Variants in PGF observed in about 807,000 individuals in gnomAD.
PGF encodes placenta growth factor.
Under a neutral mutation model 25.3 loss-of-function variants are expected in PGF, and 11 were observed. The ratio of observed to expected loss-of-function variants is 0.43; its 90% CI spans 0.27 to 0.72. The LOEUF (loss-of-function observed/expected upper bound fraction) is 0.72. Among genes scored for constraint, PGF ranks in the 30% least tolerant of loss-of-function variants. The pLI is 0.18. For synonymous variants in PGF, 105 were observed against 97.9 expected (o/e 1.07, Z -0.43); for missense variants, 230 against 234.9 (o/e 0.98, Z 0.14).
intron 2 of PGF, among the ~76,000 whole-genome samples, chr14:74,949,991 G>A (rs752505295): frequency 2.0e-4 from 30 of 152,042 alleles, no homozygotes; most frequent in South Asian, 4.2e-4. Flanking sequence ...CACCTTCCAC[G>A]GCTCCCTCAT....
chr14:74,955,364 C>T lies in PGF; in HGVS notation c.-122G>A. The T allele has an allele frequency of 4.2e-6, 2 of 471,026 alleles. No individual in the cohort carries two copies. The highest frequency in any genetic ancestry group is 3.6e-6 in the Non-Finnish European group (1 of 275,058). 29.2% of individuals were successfully genotyped at this position (471,026 alleles called of 1,614,324 possible). ...GGCTGGACGCCTCCCTCACTGCTGC[C>T]CCGAGGCCCCGGCCGGTGGTTCGAG... On this transcript the variant is annotated 5_prime_UTR_variant, in exon 1 of 7. Transcript: ENST00000555567. The surrounding 1 kb of genome is among the most constrained non-coding windows in gnomAD (Gnocchi z 4.1).
rs776268610 is a variant in PGF at position 74,942,727 on chromosome 14, G to A, written c.492C>T (p.Gly164=). 26 of 1,610,426 alleles carry A rather than the reference G, an allele frequency of 1.6e-5. No individual in the cohort carries two copies. Among genetic ancestry groups the A allele is most frequent in the Admixed American group, 6.7e-5 (4 of 59,322 alleles). The part of the protein sequence containing the change: ...KQRPTDCHLC[G]DAVPRR The stretch of plus-strand genomic sequence containing the variant: ...TGGGTTACCTCCGGGGAACAGCATC[G>A]CCGCACCTGCCAGAGACCAAGCACA... Residue 164 remains glycine (G), a synonymous_variant, in exon 7 of 7, where the codon GGC becomes GGT. Transcript: ENST00000555567.
chr14:74,951,649 G>A (rs1174343369), intron 2 of PGF, among the ~76,000 whole-genome samples: 3 of 152,340 alleles, frequency 2.0e-5, no homozygotes, highest in Admixed American at 6.5e-5. Context: ...TGGCAGAACT[G>A]GCTGGGCCTC....
chr14:74,948,917 G>A (rs749354107), intron 3 of PGF, among the ~76,000 whole-genome samples: 3 of 152,202 alleles, frequency 2.0e-5, no homozygotes, highest in South Asian at 2.1e-4. Flanking sequence ...TTCCCCATCC[G>A]TGAAATGGGA....
intron 4 of PGF, 47 bp downstream of exon 4, chr14:74,948,460 G>C: frequency 8.3e-7 from 1 of 1,203,542 alleles, no homozygotes; most frequent in East Asian, 2.5e-5. Flanking sequence ...AGGCTGCCAA[G>C]AGGACGGGGG....
At chr14:74,951,188 C>T (rs1299262565) in intron 2 of PGF, among the ~76,000 whole-genome samples, 1 of 152,160 alleles carries the variant, frequency 6.6e-6, no homozygotes, top group Non-Finnish European at 1.5e-5. Context: ...CTCCATTCTG[C>T]CGTGCTCTGC....
intron 6 of PGF, among the ~76,000 whole-genome samples, chr14:74,944,206 C>G (rs1888667908): frequency 6.6e-6 from 1 of 151,170 alleles, no homozygotes; most frequent in African/African-American, 2.4e-5. Context: ...GGGTTCATGC[C>G]ATTCTCCTGC....
intron 1 of PGF, chr14:74,954,361 G>A (rs1440786039): frequency 4.1e-5 from 9 of 218,968 alleles, no homozygotes; most frequent in Admixed American, 2.0e-4. Context: ...AGCGGGTGGC[G>A]CCATGAGCTG....
At chr14:74,951,632 C>T (rs1414163697) in intron 2 of PGF, among the ~76,000 whole-genome samples, 3 of 152,218 alleles carry the variant, frequency 2.0e-5, no homozygotes, top group South Asian at 4.1e-4. Flanking sequence ...GGGGCCATGG[C>T]CACCTTTGGC....
Position 74,955,208 on chromosome 14 carries a change from T to G in PGF, c.35A>C (p.Gln12Pro), listed in dbSNP as rs972646723. 12 of 1,489,762 alleles carry G rather than the reference T, an allele frequency of 8.1e-6. No homozygotes were observed. The Admixed American group carries it at 1.5e-4, about 19-fold the overall frequency. 92.3% of individuals were successfully genotyped at this position (1,489,762 alleles called of 1,614,324 possible). Residue 12 changes from glutamine to proline, a missense_variant, in exon 1 of 7, where the codon CAG becomes CCG. Physicochemically the swap from Gln to Pro is moderately conservative, Grantham distance 76 (BLOSUM62 -1). Coordinates refer to ENST00000555567, the MANE Select transcript of PGF (RefSeq NM_002632.6). The surrounding 1 kb of genome is among the most constrained non-coding windows in gnomAD (Gnocchi z 4.1). ...PVMRLFPCFL[Q>P]LLAGLALPAV... ...AGGCAGCGCCAGCCCGGCCAGGAGC[T>G]GCAGGAAGCAAGGGAACAGCCTCAT...
intron 3 of PGF, 105 bp from the exon 4 acceptor site, chr14:74,948,688 C>G (rs1487500370): frequency 3.0e-6 from 2 of 672,446 alleles, no homozygotes; most frequent in African/African-American, 3.7e-5. Flanking sequence ...TTCCTGCTAG[C>G]CTGTGGACTA....
At position 74,955,307 on chromosome 14, in the gene PGF, C is replaced by T; in HGVS notation, c.-65G>A. The T allele has an allele frequency of 6.6e-6, 7 of 1,055,964 alleles. No homozygotes were observed. In the African/African-American group the frequency reaches 9.9e-5, roughly 15 times the overall value. 65.4% of individuals were successfully genotyped at this position (1,055,964 alleles called of 1,614,324 possible). ...CCACCATGCTCATCCCCCGGGGAGC[C>T]CCTGGCACAGGAGGAGAAGAGCTGA... On this transcript the variant is annotated 5_prime_UTR_variant, in exon 1 of 7. Coordinates refer to ENST00000555567, the MANE Select transcript of PGF (RefSeq NM_002632.6). The surrounding 1 kb of genome is among the most constrained non-coding windows in gnomAD (Gnocchi z 4.1).
chr14:74,948,273 A>G (rs1484656213), intron 4 of PGF: 1 of 427,324 alleles, frequency 2.3e-6, no homozygotes, highest in Non-Finnish European at 4.2e-6. Context: ...CAGTATCTCA[A>G]CAGCTGTACC....
chr14:74,949,191 T>C (rs1315260048), intron 3 of PGF, among the ~76,000 whole-genome samples, 166 bp downstream of exon 3: 1 of 152,108 alleles, frequency 6.6e-6, no homozygotes, highest in East Asian at 1.9e-4. Context: ...ATGAGTGGGC[T>C]CAGAGCCATC....
intron 2 of PGF, among the ~76,000 whole-genome samples, chr14:74,951,624 G>T (rs1888874289): frequency 1.3e-5 from 2 of 152,218 alleles, no homozygotes; most frequent in African/African-American, 2.4e-5. Context: ...TGGGCTGCGG[G>T]GCCATGGCCA....
chr14:74,945,151 C>T (rs1435712299), intron 6 of PGF: 3 of 152,130 alleles, frequency 2.0e-5, no homozygotes, highest in Admixed American at 2.0e-4. Context: ...GAACTTCTGA[C>T]CTCAAGTGAT....
chr14:74,948,890 C>T (rs1356357081), intron 3 of PGF, among the ~76,000 whole-genome samples: 2 of 152,300 alleles, frequency 1.3e-5, no homozygotes, highest in Admixed American at 1.3e-4. Flanking sequence ...AGTGAAATAA[C>T]ATCTCTGAAC....
rs531683987 is a variant in PGF at position 74,950,498 on chromosome 14, G to A, written c.119-945C>T. On this transcript the variant is annotated intron_variant, in intron 2 of 6. Transcript: ENST00000555567. The surrounding 1 kb of genome is among the most constrained non-coding windows in gnomAD (Gnocchi z 4.1). The stretch of plus-strand genomic sequence containing the variant: ...CTGACCTCACGATGTCCTGGCGATC[G>A]TGAATGGGATCTTTTGGGGGCTGAT... 8.3e-4 allele frequency among the ~76,000 whole-genome samples: 126 copies of A among 152,334 alleles called. No individual in the cohort carries two copies. The highest frequency in any genetic ancestry group is 8.4e-4 in the Non-Finnish European group (57 of 68,026).
intron 5 of PGF, 25 bp from the exon 6 acceptor site, chr14:74,946,300 A>G (rs1173421393): frequency 6.2e-7 from 1 of 1,614,118 alleles, no homozygotes; most frequent in Admixed American, 1.7e-5. Flanking sequence ...GCGTCAGGAC[A>G]AGGTGGCTGG....
Sources: gnomAD v4.1 joint callset for allele counts (sites outside exome capture counted in the v4.1 genomes callset) on GRCh38, gnomAD v4.1.1 for gene constraint, Gnocchi (gnomAD v3.1) non-coding constraint, MANE v1.5 for transcripts, NCBI Gene and HGNC (gene_info 2026-07-23, HGNC 2026-07-21) for gene names.